Variants in TSC2 observed in about 807,000 individuals in gnomAD.
TSC2 encodes the protein tuberin.
Under a neutral mutation model 202.2 loss-of-function variants are expected in TSC2, and 29 were observed. The ratio of observed to expected loss-of-function variants is 0.14; its 90% CI spans 0.11 to 0.20. The LOEUF (loss-of-function observed/expected upper bound fraction) is 0.20. TSC2 is among the 10% of genes least tolerant of loss of function. TSC2 has a pLI of 1.00. For missense variants in TSC2, 2,429 were observed against 2,420.0 expected (o/e 1.00, Z -0.08); for synonymous variants, 1,349 against 1,044.0 (o/e 1.29, Z -5.63).
chr16:2,073,640 GCCC>G (rs1198457670), intron 21 of TSC2, among the ~76,000 whole-genome samples: 4 of 152,244 alleles, frequency 2.6e-5, no homozygotes, highest in African/African-American at 7.2e-5. Flanking sequence ...GGCCCCTTCA[GCCC>G]CTCTGAGAGG....
Position 2,083,687 on chromosome 16 carries a change from CCT to C in TSC2, c.3884-6_3884-5del, listed in dbSNP as rs2090414957. 2 of 1,575,896 alleles carry C rather than the reference CCT, an allele frequency of 1.3e-6. No individual in the cohort carries two copies. The highest frequency in any genetic ancestry group is 1.7e-6 in the Non-Finnish European group (2 of 1,161,274). On this transcript the variant is annotated splice_region_variant and splice_polypyrimidine_tract_variant and intron_variant, in intron 32 of 41. Transcript: ENST00000219476. ...CCACATCCAGCAGCCCCGTCTGTGT[CCT>C]CCCAGACTCCGCCGTGGTCATGGAG...
At chr16:2,080,778 C>T (rs1308162057) in intron 30 of TSC2, 6 of 227,918 alleles carry the variant, frequency 2.6e-5, no homozygotes, top group Admixed American at 2.6e-4. Context: ...GCCACCGCGC[C>T]CAGCCATTTG....
intron 32 of TSC2, chr16:2,082,941 A>G (rs550489493): frequency 3.2e-5 from 12 of 374,252 alleles, no homozygotes; most frequent in Non-Finnish European, 4.7e-5. Flanking sequence ...CAGGTTGACC[A>G]GGGGCCCTGC....
rs1202939879 is a variant in TSC2 at position 2,080,325 on chromosome 16, T to G, written c.3558T>G (p.Tyr1186Ter). Residue 1186 changes from tyrosine (Y) to a stop codon, truncating the protein, a stop_gained, in exon 30 of 42, where the codon TAT (tyrosine) becomes TAG (stop). Transcript: ENST00000219476. LOFTEE classifies it high-confidence loss of function. ...PVQEKTNLAAYVPLLTQGWAE... is the reference protein window; with the variant it reads ...PVQEKTNLAA ...AGGAGAAGACGAACCTGGCGGCCTA[T>G]GTGCCCCTGCTGACCCAGGGCTGGG... 6.2e-7 allele frequency: 1 copy of G among 1,612,748 alleles called. No individual in the cohort carries two copies.
intron 22 of TSC2, chr16:2,074,689 G>A (rs755970507): frequency 1.0e-5 from 5 of 481,860 alleles, no homozygotes; most frequent in African/African-American, 3.9e-5. Context: ...CAGAGCACAC[G>A]CCGCTTCAGG....
chr16:2,061,355 G>A (rs375990831), intron 11 of TSC2: 2 of 286,120 alleles, frequency 7.0e-6, no homozygotes, highest in South Asian at 3.5e-5. Flanking sequence ...GGACTTCGCC[G>A]GGACTTAGCA....
intron 22 of TSC2, 27 bp from the exon 23 acceptor site, chr16:2,075,772 C>T (rs769397192): frequency 5.0e-6 from 8 of 1,610,578 alleles, no homozygotes; most frequent in African/African-American, 4.0e-5. Flanking sequence ...ACCCCGGCTC[C>T]CCTGACCACC....
In TSC2 at chr16:2,064,049, G is replaced by A. The variant is rs953971923; in HGVS notation, c.1444-223G>A. On this transcript the variant is annotated intron_variant, in intron 14 of 41. Transcript: ENST00000219476. ...CCGTGTCTGTGCCCGGCCGCCCTGC[G>A]GTGCTCACCAGCCTTCTGAACGAGG... The A allele has an allele frequency of 2.4e-5, 16 of 670,808 alleles. 1 individual carries two copies. Among genetic ancestry groups the A allele is most frequent in the African/African-American group, 1.8e-4 (10 of 56,170 alleles). The allele number at this position is 670,808 out of a possible 1,614,324, so 41.6% of individuals were successfully genotyped here. A position where few individuals can be genotyped will look rare whatever the true frequency, so the allele number is the denominator to read the frequency against.
intron 10 of TSC2, among the ~76,000 whole-genome samples, chr16:2,059,645 G>A (rs1050568292): frequency 6.6e-6 from 1 of 151,534 alleles, no homozygotes; most frequent in African/African-American, 2.4e-5. Flanking sequence ...TCAGCCTCCT[G>A]AGTAGCTGGG....
Position 2,087,596 on chromosome 16 carries a change from C to T in TSC2, c.4990-267C>T, listed in dbSNP as rs571903204. ...GATTCGGACGTGTGGCTGCAGACAC[C>T]CTGGGGGCCCCAGTGAGTGGAGGTG... is the stretch of plus-strand genomic sequence containing the variant. On this transcript the variant is annotated intron_variant, in intron 38 of 41. Coordinates refer to ENST00000219476, the MANE Select transcript of TSC2 (RefSeq NM_000548.5). Among the ~76,000 whole-genome samples the T allele has an allele frequency of 5.3e-5, 8 of 152,150 alleles. No homozygotes were observed. In the South Asian group the frequency reaches 1.5e-3, roughly 28 times the overall value.
Position 2,049,313 on chromosome 16 carries a change from TGACCTCAGGTGATC to T in TSC2, c.138+561_138+574del, listed in dbSNP as rs371700176. Among the ~76,000 whole-genome samples, 1,082 of 152,016 alleles carry T rather than the reference TGACCTCAGGTGATC, an allele frequency of 7.1e-3. 10 individuals carry two copies. The highest frequency in any genetic ancestry group is 0.025 in the African/African-American group (1,027 of 41,478). On this transcript the variant is annotated intron_variant, in intron 2 of 41. Transcript: ENST00000219476. ...CTTGGCCAGGCTGGTCTTGAACTGC[TGACCTCAGGTGATC>T]TGCCCGCTTTGGCCTCCCAAAGTGC...
intron 35 of TSC2, 75 bp downstream of exon 35, chr16:2,085,101 TGCTGGGA>T: frequency 6.2e-7 from 1 of 1,602,504 alleles, no homozygotes; most frequent in South Asian, 1.1e-5. Context: ...CCAGCTCTGC[TGCTGGGA>T]GCTCAGGCTT....
chr16:2,076,551 G>A lies in TSC2; in HGVS notation c.2803G>A (p.Ala935Thr), dbSNP rs979456797. 3 of 1,613,376 alleles carry A rather than the reference G, an allele frequency of 1.9e-6. No individual in the cohort carries two copies. Among genetic ancestry groups the A allele is most frequent in the African/African-American group, 1.3e-5 (1 of 74,904 alleles). Residue 935 changes from alanine to threonine, a missense_variant, in exon 25 of 42, where the codon GCC (alanine) becomes ACC (threonine). By Grantham distance (58) the Ala-to-Thr change is moderately conservative (BLOSUM62 0). Transcript: ENST00000219476. ...DDTPEKDSFR[A>T]RSTSLNERPK... ...CACCCCCGAGAAGGACAGCTTCAGGGCCCGGAGTACTAGTCTCAACGAGAG... is the reference window on the plus strand; with the variant it reads ...CACCCCCGAGAAGGACAGCTTCAGGACCCGGAGTACTAGTCTCAACGAGAG...
At chr16:2,070,306 G>A (rs2088078666) in intron 16 of TSC2, 150 bp from the exon 17 acceptor site, 1 of 1,349,122 alleles carries the variant, frequency 7.4e-7, no homozygotes, top group East Asian at 2.4e-5. Flanking sequence ...TGTGGAGAGA[G>A]AGTCCTGGTG....
chr16:2,062,174 T>C (rs2151159621), intron 12 of TSC2, among the ~76,000 whole-genome samples, 166 bp downstream of exon 12: 1 of 152,324 alleles, frequency 6.6e-6, no homozygotes, highest in Non-Finnish European at 1.5e-5. Flanking sequence ...AGCACGTGTT[T>C]GGTAACAAGC....
chr16:2,077,768 G>C, intron 26 of TSC2, 42 bp downstream of exon 26: 1 of 1,607,430 alleles, frequency 6.2e-7, no homozygotes, highest in Non-Finnish European at 8.5e-7. Flanking sequence ...CCTGGAGCTT[G>C]GCCCCGTGAG....
rs913763079 is a variant in TSC2, at chr16:2,080,494, T to TC, written c.3610+117_3610+118insC. On this transcript the variant is annotated intron_variant, in intron 30 of 41. Transcript: ENST00000219476. ...GGGATATTTGGGGGTAACTTTTGTTTTTTTTTTGAGACAGAGTCTTGCTCT... is the reference window on the plus strand; with the variant it reads ...GGGATATTTGGGGGTAACTTTTGTTTCTTTTTTTGAGACAGAGTCTTGCTCT... The TC allele has an allele frequency of 1.2e-5, 15 of 1,271,320 alleles. No homozygotes were observed. In the African/African-American group the frequency reaches 2.0e-4, roughly 17 times the overall value. The allele number at this position is 1,271,320 out of a possible 1,614,324, so 78.8% of individuals were successfully genotyped here. A position where few individuals can be genotyped will look rare whatever the true frequency, so the allele number is the denominator to read the frequency against.
In TSC2 at chr16:2,050,409, A is replaced by G. The variant is rs140618379; in HGVS notation, c.148A>G (p.Met50Val). The G allele has an allele frequency of 2.9e-5, 47 of 1,613,904 alleles. No individual in the cohort carries two copies. The African/African-American group carries it at 5.5e-4, about 19-fold the overall frequency. Residue 50 changes from methionine (M) to valine (V), a missense_variant, in exon 3 of 42, where the codon ATG (methionine) becomes GTG (valine). Transcript: ENST00000219476. Reference sequence around the variant, plus strand: ...TTTCATCTCTCTCCAGGAACTGAGCATGGAATGTGGCCTCAACAATCGCAT... The same window carrying G: ...TTTCATCTCTCTCCAGGAACTGAGCGTGGAATGTGGCCTCAACAATCGCAT... ...ITAEILRELS[M>V]ECGLNNRIRM...
intron 5 of TSC2, 137 bp downstream of exon 5, chr16:2,054,577 A>G (rs1448125879): frequency 7.8e-7 from 1 of 1,285,250 alleles, no homozygotes; most frequent in Non-Finnish European, 1.1e-6. Flanking sequence ...TGCTTCATGC[A>G]CCTGGGCTCA....
Sources: allele counts gnomAD v4.1 joint callset (sites outside exome capture counted in the v4.1 genomes callset), GRCh38; gene constraint gnomAD v4.1.1; transcripts MANE v1.5; gene names NCBI Gene and HGNC (gene_info 2026-07-23, HGNC 2026-07-21).